PARD3B: variants seen among roughly 807,000 people sequenced by gnomAD.
PARD3B encodes the protein partitioning defective 3 homolog B.
In PARD3B, 103 loss-of-function variants were observed where a neutral mutation model predicts 130.2. The observed-to-expected ratio is 0.79, with a 90% CI of 0.67 to 0.93. PARD3B has a LOEUF of 0.93. Ranked by LOEUF, PARD3B falls within the 40% of genes least tolerant of loss-of-function variation. The pLI is 0.00. For missense variants in PARD3B, 1,609 were observed against 1,499.2 expected (o/e 1.07, Z -1.21); for synonymous variants, 583 against 553.2 (o/e 1.05, Z -0.76).
chr2:204,721,693 AT>A (rs759056465), intron 2 of PARD3B, among the ~76,000 whole-genome samples: 1 of 152,210 alleles, frequency 6.6e-6, no homozygotes, highest in Non-Finnish European at 1.5e-5. Flanking sequence ...CTTGATAAAA[AT>A]GGCAAAGGTA....
At chr2:204,652,456 C>A (rs2035511972) in intron 1 of PARD3B, among the ~76,000 whole-genome samples, 1 of 152,160 alleles carries the variant, frequency 6.6e-6, no homozygotes, top group African/African-American at 2.4e-5. Flanking sequence ...GTGACCATTA[C>A]CCCAGTTCAG....
chr2:205,536,512 T>C (rs1375464859), intron 21 of PARD3B, among the ~76,000 whole-genome samples: 2 of 152,282 alleles, frequency 1.3e-5, no homozygotes, highest in East Asian at 1.9e-4. Context: ...CTTGTGAATG[T>C]TGTAAATTTA....
intron 15 of PARD3B, among the ~76,000 whole-genome samples, chr2:205,239,492 A>C (rs1352003036): frequency 6.6e-6 from 1 of 152,218 alleles, no homozygotes; most frequent in Non-Finnish European, 1.5e-5. Flanking sequence ...AACAGTGTGT[A>C]CTGAATGGAT....
intron 18 of PARD3B, among the ~76,000 whole-genome samples, chr2:205,322,854 AAG>A (rs2042797004): frequency 6.8e-6 from 1 of 147,846 alleles, no homozygotes; most frequent in African/African-American, 2.5e-5. Context: ...CAGCCAAAAG[AAG>A]GAACGTGTGT....
intron 21 of PARD3B, among the ~76,000 whole-genome samples, chr2:205,545,624 C>G (rs2052348612): frequency 1.3e-5 from 2 of 152,076 alleles, no homozygotes; most frequent in African/African-American, 4.8e-5. Flanking sequence ...CTTTGCTTGG[C>G]CTCTCCATCA....
chr2:205,056,914 C>CAT (rs34573981), intron 4 of PARD3B, among the ~76,000 whole-genome samples: 3,161 of 124,586 alleles, frequency 0.025, 106 homozygotes, highest in African/African-American at 0.076. Flanking sequence ...CACACACACA[C>CAT]ATATATATAT....
intron 21 of PARD3B, among the ~76,000 whole-genome samples, chr2:205,546,163 G>T (rs751641049): frequency 2.0e-5 from 3 of 152,128 alleles, no homozygotes; most frequent in Non-Finnish European, 4.4e-5. Context: ...CTTGTCACAG[G>T]CTGTCATAAT....
intron 2 of PARD3B, among the ~76,000 whole-genome samples, chr2:204,828,940 A>G (rs1575084041): frequency 6.6e-6 from 1 of 152,192 alleles, no homozygotes; most frequent in East Asian, 1.9e-4. Context: ...TTTGTAAAAT[A>G]TAAGGGCCTG....
Position 204,948,307 on chromosome 2 carries a change from G to T in PARD3B, c.223-16845G>T, listed in dbSNP as rs541451009. On this transcript the variant is annotated intron_variant, in intron 2 of 22. Coordinates refer to ENST00000406610, the MANE Select transcript of PARD3B (RefSeq NM_001302769.2). ...ATTTTCAGAGGCAGAGAAAATGGTG[G>T]CTGCTTATTAAATTAGTGAGAATAT... 3.3e-5 allele frequency among the ~76,000 whole-genome samples: 5 copies of T among 152,276 alleles called. No individual in the cohort carries two copies. The South Asian group carries it at 1.0e-3, about 32-fold the overall frequency.
At chr2:204,727,834 C>T (rs890700743) in intron 2 of PARD3B, among the ~76,000 whole-genome samples, 2 of 152,164 alleles carry the variant, frequency 1.3e-5, no homozygotes, top group South Asian at 2.1e-4. Flanking sequence ...CCTCTGATGT[C>T]GAAAAGTGAA....
chr2:205,327,145 G>T (rs181357989), intron 18 of PARD3B, among the ~76,000 whole-genome samples: 68 of 152,090 alleles, frequency 4.5e-4, no homozygotes, highest in African/African-American at 1.6e-3. Context: ...TCTTACCTTG[G>T]CATCCCACAA....
chr2:205,457,287 C>T (rs2048309202), intron 20 of PARD3B, among the ~76,000 whole-genome samples: 1 of 151,692 alleles, frequency 6.6e-6, no homozygotes, highest in South Asian at 2.1e-4. Context: ...TGTTGTATTC[C>T]CTTATTTTCC....
chr2:204,546,201 G>C, intron 1 of PARD3B, 82 bp downstream of exon 1: 3 of 1,530,012 alleles, frequency 2.0e-6, no homozygotes, highest in Non-Finnish European at 2.6e-6. Context: ...CTCAGGGGAT[G>C]CAGAAAACCC....
At chr2:204,959,533 A>C (rs1373142227) in intron 2 of PARD3B, among the ~76,000 whole-genome samples, 1 of 152,206 alleles carries the variant, frequency 6.6e-6, no homozygotes, top group African/African-American at 2.4e-5. Context: ...TTCTGGTTCT[A>C]GATCCTTGAG....
At chr2:205,490,682 G>T (rs1174536241) in intron 20 of PARD3B, among the ~76,000 whole-genome samples, 1 of 152,126 alleles carries the variant, frequency 6.6e-6, no homozygotes, top group South Asian at 2.1e-4. Context: ...CTGAGGAATC[G>T]CCACACTGAC....
intron 16 of PARD3B, among the ~76,000 whole-genome samples, chr2:205,248,759 T>C (rs2039693420): frequency 1.3e-5 from 2 of 150,872 alleles, no homozygotes; most frequent in Non-Finnish European, 3.0e-5. Flanking sequence ...AGGCGCCCAC[T>C]ACCGCGCCTG....
At chr2:205,000,588 AT>A (rs1395136162) in intron 3 of PARD3B, among the ~76,000 whole-genome samples, 2 of 152,208 alleles carry the variant, frequency 1.3e-5, no homozygotes, top group Non-Finnish European at 2.9e-5. Flanking sequence ...AGTTTAATTG[AT>A]TAACTTACTA....
At chr2:204,597,093 T>C (rs1422603792) in intron 1 of PARD3B, among the ~76,000 whole-genome samples, 2 of 152,174 alleles carry the variant, frequency 1.3e-5, no homozygotes, top group East Asian at 3.8e-4. Flanking sequence ...TCAAGCTGGC[T>C]GCAGAATTGG....
At chr2:204,744,830 A>C (rs139404918) in intron 2 of PARD3B, among the ~76,000 whole-genome samples, 1 of 152,178 alleles carries the variant, frequency 6.6e-6, no homozygotes, top group African/African-American at 2.4e-5. Flanking sequence ...CGGTGAGACT[A>C]AAGTTTAAAA....
Sources: allele counts gnomAD v4.1 joint callset (sites outside exome capture counted in the v4.1 genomes callset), GRCh38; gene constraint gnomAD v4.1.1; transcripts MANE v1.5; gene names NCBI Gene and HGNC (gene_info 2026-07-23, HGNC 2026-07-21).